Variants in PRKD3 observed in about 807,000 individuals in gnomAD.
PRKD3 encodes the protein protein kinase D3, also known as serine/threonine-protein kinase D3.
PRKD3 carries 47 observed loss-of-function variants against 99.2 expected under a neutral mutation model. That is an observed-to-expected ratio of 0.47 (90% CI 0.38 to 0.60). The LOEUF is 0.60. Ranked by LOEUF, PRKD3 falls within the 20% of genes least tolerant of loss-of-function variation. PRKD3 has a pLI of 0.00. For missense variants in PRKD3, 1,019 were observed against 1,088.4 expected (o/e 0.94, Z 0.90); for synonymous variants, 392 against 355.4 (o/e 1.10, Z -1.16).
intron 11 of PRKD3, among the ~76,000 whole-genome samples, chr2:37,272,875 C>A (rs1669359978): frequency 6.6e-6 from 1 of 151,198 alleles, no homozygotes; most frequent in African/African-American, 2.4e-5. Context: ...CCTAGCTACT[C>A]AGGAGGCTGA....
At chr2:37,273,576 C>T (rs986318791) in intron 11 of PRKD3, among the ~76,000 whole-genome samples, 1 of 152,190 alleles carries the variant, frequency 6.6e-6, no homozygotes, top group Admixed American at 6.5e-5. Context: ...ATGCTACCAT[C>T]TAATACCTTT....
intron 1 of PRKD3, among the ~76,000 whole-genome samples, chr2:37,322,797 A>G (rs1182380022): frequency 2.6e-5 from 4 of 152,234 alleles, no homozygotes; most frequent in Non-Finnish European, 5.9e-5. Context: ...TCTGAATTAC[A>G]TAATCAGCGA....
intron 2 of PRKD3, among the ~76,000 whole-genome samples, chr2:37,297,362 T>C (rs1293220199): frequency 1.3e-5 from 2 of 152,206 alleles, no homozygotes; most frequent in Non-Finnish European, 2.9e-5. Flanking sequence ...TTAAAATTTA[T>C]AGAAAATGTA....
At chr2:37,317,293 C>T (rs922305442) in intron 1 of PRKD3, 114 bp from the exon 2 acceptor site, 6 of 317,382 alleles carry the variant, frequency 1.9e-5, no homozygotes, top group Non-Finnish European at 2.7e-5. Flanking sequence ...TTATAATTCA[C>T]TAATAAATCC....
intron 2 of PRKD3, among the ~76,000 whole-genome samples, chr2:37,299,588 T>C (rs1342850151): frequency 1.4e-5 from 2 of 144,496 alleles, no homozygotes; most frequent in Non-Finnish European, 3.0e-5. Flanking sequence ...AATTAACAAG[T>C]GAAGTGACAA....
chr2:37,285,961 GTTCTACTATAGTGCC>G (rs1191713538), intron 6 of PRKD3, among the ~76,000 whole-genome samples: 1 of 152,142 alleles, frequency 6.6e-6, no homozygotes, highest in Non-Finnish European at 1.5e-5. Context: ...AAGGTTTACT[GTTCTACTATAGTGCC>G]TGGCACCTAA....
chr2:37,263,065 T>C (rs1419238557), intron 14 of PRKD3, among the ~76,000 whole-genome samples: 1 of 152,182 alleles, frequency 6.6e-6, no homozygotes, highest in Non-Finnish European at 1.5e-5. Flanking sequence ...TGATCTGTTA[T>C]TCCTTTCTGC....
At chr2:37,301,359 A>C (rs946350771) in intron 2 of PRKD3, among the ~76,000 whole-genome samples, 2 of 149,542 alleles carry the variant, frequency 1.3e-5, no homozygotes, top group Non-Finnish European at 2.9e-5. Flanking sequence ...AACAAAGGAG[A>C]AGAGCCTTTT....
At position 37,259,800 on chromosome 2, in the gene PRKD3, T is replaced by C. The variant is rs926776456; in HGVS notation, c.2047-119A>G. 7.0e-5 allele frequency: 47 copies of C among 669,428 alleles called. No homozygotes were observed. In the African/African-American group the frequency reaches 8.0e-4, roughly 11 times the overall value. The allele number at this position is 669,428 out of a possible 1,614,324, so 41.5% of individuals were successfully genotyped here. A position where few individuals can be genotyped will look rare whatever the true frequency, so the allele number is the denominator to read the frequency against. On this transcript the variant is annotated intron_variant, in intron 15 of 18. Coordinates refer to ENST00000234179, the MANE Select transcript of PRKD3 (RefSeq NM_005813.6). ...TAGTTCATCAAGACTTAGCTAAAAG[T>C]GTGTTATTCTGCTCCTTAAGGTTAA...
chr2:37,291,291 A>T (rs968322511), intron 3 of PRKD3, among the ~76,000 whole-genome samples: 1 of 152,266 alleles, frequency 6.6e-6, no homozygotes, highest in Non-Finnish European at 1.5e-5. Context: ...ACTTTAACCA[A>T]TTAAAAACTG....
At chr2:37,282,925 T>A (rs1669919275) in intron 6 of PRKD3, among the ~76,000 whole-genome samples, 1 of 152,222 alleles carries the variant, frequency 6.6e-6, no homozygotes. Flanking sequence ...ATTAAATTCC[T>A]ATCCAACATA....
At chr2:37,272,048 C>A (rs1322213279) in intron 12 of PRKD3, among the ~76,000 whole-genome samples, 1 of 152,158 alleles carries the variant, frequency 6.6e-6, no homozygotes, top group African/African-American at 2.4e-5. Flanking sequence ...TAATCCATTC[C>A]ATCCTTTCAG....
At chr2:37,292,669 C>G (rs576727777) in intron 3 of PRKD3, among the ~76,000 whole-genome samples, 6 of 150,782 alleles carry the variant, frequency 4.0e-5, no homozygotes, top group African/African-American at 9.7e-5. Flanking sequence ...TTTAAAGAGA[C>G]GAGTCTCGCT....
intron 2 of PRKD3, among the ~76,000 whole-genome samples, chr2:37,312,679 C>A (rs1004116592): frequency 6.6e-6 from 1 of 152,154 alleles, no homozygotes; most frequent in Admixed American, 6.5e-5. Context: ...AGTAACTACA[C>A]GTGTTCAATA....
At chr2:37,302,405 T>C (rs1670976976) in intron 2 of PRKD3, among the ~76,000 whole-genome samples, 1 of 152,248 alleles carries the variant, frequency 6.6e-6, no homozygotes, top group Middle Eastern at 3.2e-3. Flanking sequence ...TTTGCTTTTG[T>C]ATTAAAGATG....
chr2:37,309,456 C>G lies in PRKD3; in HGVS notation c.288+6781G>C, dbSNP rs1204101648. 5.3e-5 allele frequency among the ~76,000 whole-genome samples: 8 copies of G among 152,322 alleles called. No individual in the cohort carries two copies. The South Asian group carries it at 1.2e-3, about 24-fold the overall frequency. On this transcript the variant is annotated intron_variant, in intron 2 of 18. Coordinates refer to ENST00000234179, the MANE Select transcript of PRKD3 (RefSeq NM_005813.6). Reference sequence around the variant, plus strand: ...AAATACAGAGAAGCATGCTTACTTACTCACTGCTCAACAATGGTAATTAAC... The same window carrying G: ...AAATACAGAGAAGCATGCTTACTTAGTCACTGCTCAACAATGGTAATTAAC...
chr2:37,296,780 G>A (rs1348280482), intron 2 of PRKD3, among the ~76,000 whole-genome samples: 2 of 151,294 alleles, frequency 1.3e-5, no homozygotes, highest in Non-Finnish European at 2.9e-5. Flanking sequence ...GGCGCCTGTA[G>A]TCCCAGCTAC....
intron 6 of PRKD3, 89 bp from the exon 7 acceptor site, chr2:37,282,708 G>T: frequency 1.1e-6 from 1 of 891,294 alleles, no homozygotes; most frequent in Non-Finnish European, 1.8e-6. Flanking sequence ...CTCACAAACA[G>T]AATATTATTA....
intron 1 of PRKD3, among the ~76,000 whole-genome samples, chr2:37,320,423 CTTTT>C (rs35158902): frequency 1.3e-4 from 10 of 78,162 alleles, no homozygotes; most frequent in East Asian, 5.1e-4. Context: ...AAGTTAACGA[CTTTT>C]TTTTTTTTTT....
Sources: gnomAD v4.1 joint callset for allele counts (sites outside exome capture counted in the v4.1 genomes callset) on GRCh38, gnomAD v4.1.1 for gene constraint, MANE v1.5 for transcripts, NCBI Gene and HGNC (gene_info 2026-07-23, HGNC 2026-07-21) for gene names.